Variants in DHDDS observed in about 807,000 individuals in gnomAD.
DHDDS encodes the protein dehydrodolichyl diphosphate synthase subunit.
A neutral mutation model predicts 46.2 loss-of-function variants in DHDDS; 16 were observed. The ratio of observed to expected loss-of-function variants is 0.35; its 90% CI spans 0.23 to 0.53. DHDDS has a LOEUF of 0.53. Ranked by LOEUF, DHDDS falls within the 20% of genes least tolerant of loss-of-function variation. DHDDS has a pLI of 0.94. For missense variants in DHDDS, 340 were observed against 423.7 expected, an observed-to-expected ratio of 0.80 and a Z score of 1.73; for synonymous variants, 151 against 163.1, an observed-to-expected ratio of 0.93 and a Z score of 0.56.
intron 8 of DHDDS, among the ~76,000 whole-genome samples, chr1:26,463,084 C>A (rs1163926598): frequency 1.3e-5 from 2 of 152,088 alleles, no homozygotes; most frequent in Admixed American, 6.6e-5. Context: ...TCATATAGAG[C>A]CTTGTAGGTC....
At chr1:26,433,267 A>G (rs538099565) in intron 2 of DHDDS, 1 of 544,682 alleles carries the variant, frequency 1.8e-6, no homozygotes, top group South Asian at 2.1e-5. Flanking sequence ...CTTTATAGAG[A>G]ACTGAAATTT....
chr1:26,458,737 C>CAAAAAAAAAAAA (rs11381495), intron 7 of DHDDS, among the ~76,000 whole-genome samples: 2 of 71,678 alleles, frequency 2.8e-5, no homozygotes, highest in Non-Finnish European at 5.4e-5. Context: ...GACTCTGTCG[C>CAAAAAAAAAAAA]AAAAAAAAAA....
chr1:26,454,751 A>T, intron 6 of DHDDS: 3 of 1,588,880 alleles, frequency 1.9e-6, no homozygotes, highest in Non-Finnish European at 2.6e-6. Flanking sequence ...GATCATCTCA[A>T]TGTGGCAGGG....
Position 26,468,685 on chromosome 1 carries a change from G to T in DHDDS, c.766-210G>T, listed in dbSNP as rs531011145. ...GACGCTTCCACACAAAACAAACCAA[G>T]ATGGACCCAGAATTGCCACTGCCCT... On this transcript the variant is annotated intron_variant, in intron 8 of 8. Coordinates refer to ENST00000236342, the MANE Select transcript of DHDDS (RefSeq NM_205861.3). Among the ~76,000 whole-genome samples, 45 of 152,270 alleles carry T rather than the reference G, an allele frequency of 3.0e-4. No homozygotes were observed. The South Asian group carries it at 6.6e-3, about 22-fold the overall frequency.
At chr1:26,455,421 C>T (rs942185626) in intron 6 of DHDDS, among the ~76,000 whole-genome samples, 1 of 152,156 alleles carries the variant, frequency 6.6e-6, no homozygotes, top group African/African-American at 2.4e-5. Context: ...AAAGAAAGCT[C>T]TCTCTGTGGT....
chr1:26,470,863 GCT>G lies in DHDDS; in HGVS notation c.*1733_*1734del, dbSNP rs1425255354. The G allele has an allele frequency of 1.3e-5, 2 of 152,764 alleles. No homozygotes were observed. The highest frequency in any genetic ancestry group is 4.8e-5 in the African/African-American group (2 of 41,440). 9.5% of individuals were successfully genotyped at this position (152,764 alleles called of 1,614,324 possible). On this transcript the variant is annotated 3_prime_UTR_variant, in exon 9 of 9. Coordinates refer to ENST00000236342, the MANE Select transcript of DHDDS (RefSeq NM_205861.3). ...CCTACAATTAAGGCGGGAATGAGGG[GCT>G]GGAGGCAGCAAACGGAATCTGCCCT...
chr1:26,441,905 A>AG (rs2124398845), intron 3 of DHDDS, among the ~76,000 whole-genome samples: 1 of 151,862 alleles, frequency 6.6e-6, no homozygotes, highest in East Asian at 1.9e-4. Flanking sequence ...TAAAAAAAAA[A>AG]AAAAAAAAAG....
chr1:26,458,656 T>C (rs2075393637), intron 7 of DHDDS, among the ~76,000 whole-genome samples: 1 of 148,604 alleles, frequency 6.7e-6, no homozygotes. Context: ...GAGAATCACT[T>C]GAACCTAGGA....
intron 7 of DHDDS, among the ~76,000 whole-genome samples, chr1:26,458,257 C>T (rs1008102783): frequency 6.6e-6 from 1 of 152,218 alleles, no homozygotes; most frequent in African/African-American, 2.4e-5. Flanking sequence ...TAGTCCCTCC[C>T]CTTCAGGATA....
chr1:26,447,835 C>A (rs912465308), intron 6 of DHDDS, 175 bp downstream of exon 6: 9 of 675,570 alleles, frequency 1.3e-5, no homozygotes, highest in Middle Eastern at 3.9e-4. Flanking sequence ...TTTTCAACAA[C>A]AACAACAAAA....
chr1:26,438,193 C>T lies in DHDDS; in HGVS notation c.89C>T (p.Ala30Val), dbSNP rs1050765580. The change falls in exon 3 of 9, where the codon GCA becomes GTA. Residue 30 changes from alanine (A) to valine (V), a missense_variant. Physicochemically the swap from Ala to Val is moderately conservative, Grantham distance 64. This residue lies in a region of DHDDS where 72 missense variants were observed against 123.5 expected (regional missense o/e 0.58). Transcript: ENST00000236342. Reference protein sequence around the residue: ...IKAGPMPKHIAFIMDGNRRYA... With the variant: ...IKAGPMPKHIVFIMDGNRRYA... ...GCAGGCCCAATGCCGAAACACATTG[C>T]ATTCATAATGGACGGGAACCGTCGC... is the stretch of plus-strand genomic sequence containing the variant. 1 of 1,613,848 alleles carries T rather than the reference C, an allele frequency of 6.2e-7. No homozygotes were observed. Among genetic ancestry groups the T allele is most frequent in the Non-Finnish European group, 8.5e-7 (1 of 1,179,878 alleles).
intron 5 of DHDDS, among the ~76,000 whole-genome samples, 163 bp from the exon 6 acceptor site, chr1:26,447,396 C>T (rs2075279562): frequency 6.6e-6 from 1 of 152,058 alleles, no homozygotes; most frequent in African/African-American, 2.4e-5. Flanking sequence ...AACTTGGAAA[C>T]CACAAAAAAC....
intron 2 of DHDDS, among the ~76,000 whole-genome samples, chr1:26,435,571 G>A (rs2075146033): frequency 6.6e-6 from 1 of 151,332 alleles, no homozygotes; most frequent in Admixed American, 6.6e-5. Flanking sequence ...CTAAGTAGCT[G>A]GGATTACAGG....
intron 2 of DHDDS, among the ~76,000 whole-genome samples, chr1:26,433,710 A>T (rs2075126132): frequency 6.7e-6 from 1 of 150,296 alleles, no homozygotes; most frequent in Non-Finnish European, 1.5e-5. Context: ...TGGGCTCTAG[A>T]CGCAGACAAA....
At chr1:26,436,989 T>C (rs1440877585) in intron 2 of DHDDS, among the ~76,000 whole-genome samples, 9 of 151,560 alleles carry the variant, frequency 5.9e-5, no homozygotes, top group Admixed American at 2.0e-4. Context: ...GCTAACACGG[T>C]GAAACCCCGT....
At chr1:26,464,906 T>A (rs1414093992) in intron 8 of DHDDS, among the ~76,000 whole-genome samples, 2 of 152,084 alleles carry the variant, frequency 1.3e-5, no homozygotes, top group African/African-American at 4.8e-5. Flanking sequence ...GGGTGGATCG[T>A]AAGGGAAGCA....
At chr1:26,460,537 A>G (rs1278981624) in intron 8 of DHDDS, among the ~76,000 whole-genome samples, 3 of 152,238 alleles carry the variant, frequency 2.0e-5, no homozygotes, top group Non-Finnish European at 2.9e-5. Context: ...TTACCCTAAT[A>G]AAAGATCGTA....
intron 2 of DHDDS, among the ~76,000 whole-genome samples, chr1:26,437,918 C>T (rs536890490): frequency 6.6e-6 from 1 of 152,160 alleles, no homozygotes; most frequent in East Asian, 1.9e-4. Context: ...GAGGCCAAGG[C>T]TACAGTCAGC....
intron 8 of DHDDS, among the ~76,000 whole-genome samples, chr1:26,465,776 A>G (rs1392582637): frequency 6.6e-6 from 1 of 151,796 alleles, no homozygotes; most frequent in Non-Finnish European, 1.5e-5. Context: ...CCCCAGTACA[A>G]CTCCCCAGGC....
Sources: allele counts gnomAD v4.1 joint callset (sites outside exome capture counted in the v4.1 genomes callset), GRCh38; gene constraint gnomAD v4.1.1; regional missense constraint gnomAD v4.1.1; transcripts MANE v1.5; gene names NCBI Gene and HGNC (gene_info 2026-07-23, HGNC 2026-07-21).